The following ZNF583 variants were observed in gnomAD, a reference collection of about 807,000 sequenced individuals.
ZNF583 encodes zinc finger protein L3-5.
ZNF583 carries 30 observed loss-of-function variants against 55.3 expected under a neutral mutation model. The ratio of observed to expected loss-of-function variants is 0.54; its 90% CI spans 0.41 to 0.74. The LOEUF (loss-of-function observed/expected upper bound fraction) is 0.74, where lower values mean the gene tolerates loss of function less well. Ranked by LOEUF, ZNF583 falls within the 30% of genes least tolerant of loss-of-function variation. The pLI is 0.00. For missense variants in ZNF583, 504 were observed against 664.7 expected, an observed-to-expected ratio of 0.76 and a Z score of 2.66; for synonymous variants, 208 against 220.0, an observed-to-expected ratio of 0.95 and a Z score of 0.48.
intron 4 of ZNF583, among the ~76,000 whole-genome samples, chr19:56,418,884 G>T (rs1280532616): frequency 1.3e-5 from 2 of 152,178 alleles, no homozygotes; most frequent in Non-Finnish European, 2.9e-5. Context: ...TAAGCTGTCA[G>T]TTTTTCTTAG....
chr19:56,418,343 T>C (rs12984960), intron 4 of ZNF583, among the ~76,000 whole-genome samples: 129,211 of 152,146 alleles, frequency 0.85, 55,218 homozygotes, highest in African/African-American at 0.95. Flanking sequence ...GGGGGGCTGA[T>C]TTGGAAGGAT....
rs1292493019 is a variant in ZNF583 at position 56,423,134 on chromosome 19, A to C, written c.476A>C (p.Asn159Thr). The C allele has an allele frequency of 1.2e-6, 2 of 1,611,952 alleles. No individual in the cohort carries two copies. The highest frequency in any genetic ancestry group is 2.2e-5 in the South Asian group (2 of 90,564). The change falls in exon 5 of 5, where the codon AAC becomes ACC. Residue 159 changes from asparagine to threonine, a missense_variant. By Grantham distance (65) the Asn-to-Thr change is moderately conservative. Coordinates refer to ENST00000333201, the MANE Select transcript of ZNF583 (RefSeq NM_152478.3). ...ILPEVQNKEY[N>T]KSWQTFHQDT... Reference sequence around the variant, plus strand: ...CCAGAAGTTCAAAATAAAGAATATAACAAATCTTGGCAAACATTCCACCAG... The same window carrying C: ...CCAGAAGTTCAAAATAAAGAATATACCAAATCTTGGCAAACATTCCACCAG...
At chr19:56,407,150 C>CT in intron 2 of ZNF583, 27 bp downstream of exon 2, 1 of 1,613,606 alleles carries the variant, frequency 6.2e-7, no homozygotes, top group Non-Finnish European at 8.5e-7. Context: ...TCTCTCTTCC[C>CT]TAAAATGCCA....
chr19:56,418,897 G>A (rs909846215), intron 4 of ZNF583, among the ~76,000 whole-genome samples: 1 of 152,132 alleles, frequency 6.6e-6, no homozygotes, highest in African/African-American at 2.4e-5. Context: ...TTTCTTAGAT[G>A]TCCTTGATCA....
intron 4 of ZNF583, among the ~76,000 whole-genome samples, chr19:56,419,899 C>A (rs887069327): frequency 6.6e-6 from 1 of 151,990 alleles, no homozygotes; most frequent in Non-Finnish European, 1.5e-5. Context: ...TTAAAAGAAC[C>A]TACTTTTGTT....
chr19:56,419,517 T>A (rs968661758), intron 4 of ZNF583, among the ~76,000 whole-genome samples: 17 of 152,172 alleles, frequency 1.1e-4, no homozygotes, highest in Admixed American at 3.9e-4. Flanking sequence ...TCTTATAATT[T>A]TTTTATCTGG....
In ZNF583 at chr19:56,414,392, A is replaced by G; in HGVS notation, c.184A>G (p.Lys62Glu). ...PDVISLLEQG[K>E]EPWMVKKEGT... ...TGTGATCTCATTATTGGAGCAAGGA[A>G]AAGAGCCCTGGATGGTGAAGAAGGA... The change falls in exon 4 of 5, where the codon AAA becomes GAA. Residue 62 changes from lysine (K) to glutamate (E), a missense_variant. Transcript: ENST00000333201. 6.2e-7 allele frequency: 1 copy of G among 1,614,144 alleles called. No homozygotes were observed. Among genetic ancestry groups the G allele is most frequent in the Non-Finnish European group, 8.5e-7 (1 of 1,180,020 alleles).
At chr19:56,414,230 C>CG in intron 3 of ZNF583, 115 bp from the exon 4 acceptor site, 1 of 1,490,898 alleles carries the variant, frequency 6.7e-7, no homozygotes, top group South Asian at 1.2e-5. Flanking sequence ...GCAGCTTCAT[C>CG]TTCCCCATTC....
chr19:56,413,928 G>A (rs759471468), intron 2 of ZNF583, 31 bp from the exon 3 acceptor site: 1 of 1,613,512 alleles, frequency 6.2e-7, no homozygotes, highest in Admixed American at 1.7e-5. Context: ...ATGAACACTA[G>A]TTGAGCAAGA....
At chr19:56,422,541 A>G (rs1416723078) in intron 4 of ZNF583, among the ~76,000 whole-genome samples, 1 of 152,178 alleles carries the variant, frequency 6.6e-6, no homozygotes, top group Non-Finnish European at 1.5e-5. Flanking sequence ...TAATCATATT[A>G]ACATCATAAA....
chr19:56,416,846 A>G (rs1264013365), intron 4 of ZNF583, among the ~76,000 whole-genome samples: 2 of 152,120 alleles, frequency 1.3e-5, no homozygotes, highest in African/African-American at 4.8e-5. Context: ...ACCACAATCA[A>G]GACACATTTA....
chr19:56,418,619 T>C (rs1335188467), intron 4 of ZNF583, among the ~76,000 whole-genome samples: 1 of 152,214 alleles, frequency 6.6e-6, no homozygotes, highest in African/African-American at 2.4e-5. Context: ...TTACATCTTA[T>C]GACCTCGCTA....
chr19:56,419,352 T>C (rs1416624597), intron 4 of ZNF583, among the ~76,000 whole-genome samples: 1 of 151,962 alleles, frequency 6.6e-6, no homozygotes, highest in Non-Finnish European at 1.5e-5. Flanking sequence ...TGCGCCACCA[T>C]GCCCAGCTAA....
intron 4 of ZNF583, among the ~76,000 whole-genome samples, chr19:56,418,118 G>C (rs1344569986): frequency 2.6e-5 from 4 of 152,046 alleles, no homozygotes; most frequent in Non-Finnish European, 5.9e-5. Context: ...TAGATCATTT[G>C]CATTTCATAT....
In ZNF583 at chr19:56,406,804, GGC is replaced by G. The variant is rs550258482; in HGVS notation, c.-89-220_-89-219del. Among the ~76,000 whole-genome samples the G allele has an allele frequency of 2.0e-3, 307 of 152,136 alleles. 1 individual carries two copies. Among genetic ancestry groups the G allele is most frequent in the African/African-American group, 6.9e-3 (285 of 41,560 alleles). On this transcript the variant is annotated intron_variant, in intron 1 of 4. Transcript: ENST00000333201. ...GGCCTCCCAAAGTGCTGGGATTACA[GGC>G]GTGAGCCACCGCGCCTGGCCCGTAT...
chr19:56,407,064 A>C lies in ZNF583; in HGVS notation c.-51A>C. The C allele has an allele frequency of 6.2e-7, 1 of 1,609,068 alleles. No individual in the cohort carries two copies. The highest frequency in any genetic ancestry group is 2.2e-5 in the East Asian group (1 of 44,834). ...GGATACTGTCCCTCTCCCACAGAGG[A>C]GCTGAAGGAGTAGGACAGAAGAACT... On this transcript the variant is annotated 5_prime_UTR_variant, in exon 2 of 5. Transcript: ENST00000333201.
intron 2 of ZNF583, among the ~76,000 whole-genome samples, chr19:56,410,292 A>T (rs901646080): frequency 5.9e-5 from 9 of 152,288 alleles, no homozygotes; most frequent in South Asian, 2.1e-4. Flanking sequence ...GTAATTAAAA[A>T]TTTTTTTGAG....
Position 56,407,057 on chromosome 19 carries a change from A to G in ZNF583, c.-58A>G. 6.2e-7 allele frequency: 1 copy of G among 1,605,392 alleles called. No individual in the cohort carries two copies. Among genetic ancestry groups the G allele is most frequent in the Non-Finnish European group, 8.5e-7 (1 of 1,173,022 alleles). On this transcript the variant is annotated 5_prime_UTR_variant, in exon 2 of 5. Coordinates refer to ENST00000333201, the MANE Select transcript of ZNF583 (RefSeq NM_152478.3). ...TTTCTCAGGATACTGTCCCTCTCCC[A>G]CAGAGGAGCTGAAGGAGTAGGACAG...
chr19:56,416,487 CTTCT>C (rs2042325296), intron 4 of ZNF583, among the ~76,000 whole-genome samples: 1 of 149,828 alleles, frequency 6.7e-6, no homozygotes, highest in Non-Finnish European at 1.5e-5. Flanking sequence ...TAATTCTTTC[CTTCT>C]AATTTTCTTA....
Sources: allele counts gnomAD v4.1 joint callset (sites outside exome capture counted in the v4.1 genomes callset), GRCh38; gene constraint gnomAD v4.1.1; transcripts MANE v1.5; gene names NCBI Gene and HGNC (gene_info 2026-07-23, HGNC 2026-07-21).